ANO10: variants seen among roughly 807,000 people sequenced by gnomAD.
The protein encoded by ANO10 is anoctamin-10.
ANO10 carries 77 observed loss-of-function variants against 74.7 expected under a neutral mutation model. The observed-to-expected ratio is 1.03, with a 90% CI of 0.86 to 1.25. The LOEUF is 1.25. Ranked by LOEUF, ANO10 falls within the 50% of genes most tolerant of loss-of-function variation. ANO10 has a pLI of 0.00. For synonymous variants in ANO10, 279 were observed against 284.9 expected, an observed-to-expected ratio of 0.98 and a Z score of 0.21; for missense variants, 721 against 778.1, an observed-to-expected ratio of 0.93 and a Z score of 0.87.
At chr3:43,582,987 GT>G (rs1300303474) in intron 4 of ANO10, among the ~76,000 whole-genome samples, 1 of 152,068 alleles carries the variant, frequency 6.6e-6, no homozygotes, top group Non-Finnish European at 1.5e-5. Context: ...ACTACATCAA[GT>G]TTTTTAACGG....
chr3:43,684,406 G>T (rs1425740637), intron 1 of ANO10, among the ~76,000 whole-genome samples: 2 of 152,144 alleles, frequency 1.3e-5, no homozygotes, highest in Non-Finnish European at 2.9e-5. Context: ...AGTTAGAATG[G>T]CAATCATTAA....
At chr3:43,554,858 C>T (rs2079660120) in intron 10 of ANO10, among the ~76,000 whole-genome samples, 1 of 152,040 alleles carries the variant, frequency 6.6e-6, no homozygotes, top group South Asian at 2.1e-4. Context: ...TGAGACCACC[C>T]CAGGACTAGA....
At chr3:43,680,890 T>C (rs973380431) in intron 1 of ANO10, among the ~76,000 whole-genome samples, 5 of 152,292 alleles carry the variant, frequency 3.3e-5, no homozygotes, top group African/African-American at 9.6e-5. Flanking sequence ...AGAGATTTTG[T>C]CACCACCAGG....
chr3:43,547,069 T>C (rs1204171659), intron 11 of ANO10, among the ~76,000 whole-genome samples: 3 of 152,130 alleles, frequency 2.0e-5, no homozygotes, highest in African/African-American at 7.2e-5. Context: ...ATCCATTAAC[T>C]ACAGGCGAAC....
At chr3:43,389,052 C>T (rs1477657323) in intron 12 of ANO10, among the ~76,000 whole-genome samples, 3 of 152,208 alleles carry the variant, frequency 2.0e-5, no homozygotes, top group Admixed American at 6.5e-5. Flanking sequence ...AGATCACAGT[C>T]ACAGATTAGG....
At chr3:43,394,344 T>G (rs549391775) in intron 12 of ANO10, among the ~76,000 whole-genome samples, 2 of 152,274 alleles carry the variant, frequency 1.3e-5, no homozygotes, top group Admixed American at 6.5e-5. Flanking sequence ...CTCTATCCTC[T>G]ATGGGAAAAC....
chr3:43,639,852 T>C (rs1451288146), intron 1 of ANO10, among the ~76,000 whole-genome samples: 2 of 151,662 alleles, frequency 1.3e-5, no homozygotes, highest in African/African-American at 4.8e-5. Context: ...CCTGGCACAA[T>C]AGTATACTTT....
At chr3:43,416,911 A>T (rs550505514) in intron 12 of ANO10, among the ~76,000 whole-genome samples, 1 of 152,200 alleles carries the variant, frequency 6.6e-6, no homozygotes, top group Non-Finnish European at 1.5e-5. Flanking sequence ...TGTACCTAAC[A>T]ATCGCCTCAT....
chr3:43,484,716 A>AT (rs1371571641), intron 11 of ANO10, among the ~76,000 whole-genome samples: 1 of 152,128 alleles, frequency 6.6e-6, no homozygotes, highest in African/African-American at 2.4e-5. Context: ...ATAACGAGGT[A>AT]TGTCTAACCT....
At chr3:43,509,363 TA>T (rs539086144) in intron 11 of ANO10, among the ~76,000 whole-genome samples, 2 of 150,928 alleles carry the variant, frequency 1.3e-5, no homozygotes, top group Non-Finnish European at 3.0e-5. Context: ...AACTTAAATT[TA>T]AAAAAAAAGA....
intron 12 of ANO10, among the ~76,000 whole-genome samples, chr3:43,371,626 T>C (rs73831281): frequency 0.026 from 3,923 of 152,132 alleles, 177 homozygotes; most frequent in African/African-American, 0.087. Flanking sequence ...GAAGGGAGGA[T>C]CAACTTCGAG....
At chr3:43,429,190 A>T (rs906383512) in intron 12 of ANO10, among the ~76,000 whole-genome samples, 1 of 152,108 alleles carries the variant, frequency 6.6e-6, no homozygotes, top group African/African-American at 2.4e-5. Context: ...TTTTAGGTAA[A>T]TGTATTTAGT....
intron 1 of ANO10, among the ~76,000 whole-genome samples, chr3:43,677,392 T>C: frequency 6.6e-6 from 1 of 152,108 alleles, no homozygotes; most frequent in East Asian, 1.9e-4. Context: ...CTTCTAAAAG[T>C]ACAAAAAACA....
At chr3:43,660,857 G>A (rs906849636) in intron 1 of ANO10, among the ~76,000 whole-genome samples, 1 of 152,206 alleles carries the variant, frequency 6.6e-6, no homozygotes, top group Admixed American at 6.5e-5. Context: ...AGGACGCCAA[G>A]GCAGGAGAAT....
chr3:43,628,465 AC>A lies in ANO10; in HGVS notation c.-11-22603del, dbSNP rs550000821. Reference sequence around the variant, plus strand: ...ACCCTGTGATAATTGCCTTAACTGCACAAATTGTAGAGCATATGTGTTTAAA... The same window carrying A: ...ACCCTGTGATAATTGCCTTAACTGCAAAATTGTAGAGCATATGTGTTTAAA... On this transcript the variant is annotated intron_variant, in intron 1 of 3. Transcript: ENST00000413397. Among the ~76,000 whole-genome samples the A allele has an allele frequency of 2.3e-3, 345 of 152,332 alleles. 1 individual carries two copies. The highest frequency in any genetic ancestry group is 3.4e-3 in the Middle Eastern group (1 of 294).
At chr3:43,592,458 G>A (rs945491029) in intron 4 of ANO10, among the ~76,000 whole-genome samples, 2 of 152,348 alleles carry the variant, frequency 1.3e-5, no homozygotes, top group Admixed American at 1.3e-4. Context: ...CAGTTCTGCA[G>A]CCTCCGCTGG....
intron 11 of ANO10, among the ~76,000 whole-genome samples, chr3:43,525,108 C>CA (rs1351080757): frequency 6.6e-6 from 1 of 152,166 alleles, no homozygotes; most frequent in Non-Finnish European, 1.5e-5. Flanking sequence ...TCTTACCCCC[C>CA]ACCGACCAAT....
At chr3:43,485,670 G>T (rs1424262360) in intron 11 of ANO10, 5 of 181,644 alleles carry the variant, frequency 2.8e-5, no homozygotes, top group Non-Finnish European at 5.9e-5. Flanking sequence ...CACCCGCAGT[G>T]GGGGCTTCTC....
chr3:43,571,630 A>C (rs1246674403), intron 7 of ANO10, among the ~76,000 whole-genome samples: 1 of 151,636 alleles, frequency 6.6e-6, no homozygotes, highest in Admixed American at 6.6e-5. Context: ...GTGGGAACTG[A>C]ACAATGAGAT....
Sources: allele counts gnomAD v4.1 joint callset (sites outside exome capture counted in the v4.1 genomes callset), GRCh38; gene constraint gnomAD v4.1.1; transcripts MANE v1.5; gene names NCBI Gene and HGNC (gene_info 2026-07-23, HGNC 2026-07-21).